The following TMEM25 variants were observed in gnomAD, a reference collection of about 807,000 sequenced individuals.
The protein encoded by TMEM25 is 0610039J01Rik.
TMEM25 carries 36 observed loss-of-function variants against 37.0 expected under a neutral mutation model. The ratio of observed to expected loss-of-function variants is 0.97; its 90% confidence interval spans 0.75 to 1.28. TMEM25 has a LOEUF of 1.28. TMEM25 is among the 50% of genes most tolerant of loss of function. The pLI, the probability that TMEM25 is intolerant of heterozygous loss-of-function variation, is 0.00. For synonymous variants in TMEM25, 197 were observed against 203.7 expected, an observed-to-expected ratio of 0.97 and a Z score of 0.28; for missense variants, 444 against 477.9, an observed-to-expected ratio of 0.93 and a Z score of 0.66.
chr11:118,538,204 C>T (rs1458136358), downstream of TMEM25, among the ~76,000 whole-genome samples: 1 of 152,088 alleles, frequency 6.6e-6, no homozygotes, highest in Non-Finnish European at 1.5e-5. Context: ...CAGAGTCTTG[C>T]TCTGTCACCC....
At chr11:118,545,041 T>G in intron 8 of TMEM25, 3 of 1,383,244 alleles carry the variant, frequency 2.2e-6, no homozygotes, top group Non-Finnish European at 3.1e-6. Context: ...GAATATTGAG[T>G]ATTAGGGATA....
In TMEM25 at chr11:118,535,262, T is replaced by C; in HGVS notation, c.*682T>C. The C allele has an allele frequency of 4.1e-6, 5 of 1,214,066 alleles. No individual in the cohort carries two copies. The highest frequency in any genetic ancestry group is 5.1e-6 in the Non-Finnish European group (5 of 973,656). 75.2% of individuals were successfully genotyped at this position (1,214,066 alleles called of 1,614,324 possible). Reference sequence around the variant, plus strand: ...CTTCACTGGGCACTAGACTTTTCTATTGGCCTGTGCCATCGCCCAGTATTA... The same window carrying C: ...CTTCACTGGGCACTAGACTTTTCTACTGGCCTGTGCCATCGCCCAGTATTA... On this transcript the variant is annotated 3_prime_UTR_variant, in exon 9 of 9. Transcript: ENST00000313236.
rs1555062232 is a variant in TMEM25 at position 118,534,606 on chromosome 11, C to T, written c.*26C>T. 3 of 1,612,946 alleles carry T rather than the reference C, an allele frequency of 1.9e-6. No individual in the cohort carries two copies. The highest frequency in any genetic ancestry group is 2.7e-5 in the African/African-American group (2 of 75,034). On this transcript the variant is annotated 3_prime_UTR_variant, in exon 9 of 9. Coordinates refer to ENST00000313236, the MANE Select transcript of TMEM25 (RefSeq NM_032780.4). The surrounding 1 kb of genome is among the most constrained non-coding windows in gnomAD (Gnocchi z 4.6). ...GCCGAGGGCGAGACAGGAGTATTCT[C>T]TTGGCCTCTGGACACCCTCCCGTTC...
chr11:118,545,390 C>T lies in TMEM25; in HGVS notation c.1028-729C>T, dbSNP rs1555066820. ...TGATCCTCTCTACAGCTTAAGTCAA[C>T]CCCTGATGCTTGGCTCACCTGTGAG... On this transcript the variant is annotated intron_variant, in intron 8 of 8. Transcript: ENST00000354284. The T allele has an allele frequency of 5.1e-6, 8 of 1,561,568 alleles. No homozygotes were observed. The Admixed American group carries it at 6.7e-5, about 13-fold the overall frequency.
Position 118,535,762 on chromosome 11 carries a change from TG to T in TMEM25, c.*1183del, listed in dbSNP as rs2135419051. The T allele has an allele frequency of 8.1e-6, 11 of 1,363,692 alleles. No individual in the cohort carries two copies. In the South Asian group the frequency reaches 2.0e-4, roughly 25 times the overall value. The allele number at this position is 1,363,692 out of a possible 1,614,324, so 84.5% of individuals were successfully genotyped here. On this transcript the variant is annotated 3_prime_UTR_variant, in exon 9 of 9. Transcript: ENST00000313236. ...CCCTTGTTGAGATCTTCTTTTGTAA[TG>T]TTTTTCATGTTACTGCCTAGGGCGG...
At chr11:118,545,374 C>G (rs373983927) in intron 8 of TMEM25, 21 of 1,456,890 alleles carry the variant, frequency 1.4e-5, no homozygotes, top group Non-Finnish European at 1.9e-5. Flanking sequence ...GTGATCCTCT[C>G]TACAGCTTAA....
chr11:118,545,938 T>C (rs1351679597), intron 8 of TMEM25: 2 of 1,199,964 alleles, frequency 1.7e-6, no homozygotes, highest in Non-Finnish European at 2.5e-6. Flanking sequence ...CAAAAGAGCT[T>C]CTAGCATAAG....
At chr11:118,533,986 G>C in intron 6 of TMEM25, 43 bp from the exon 7 acceptor site, 2 of 1,613,188 alleles carry the variant, frequency 1.2e-6, no homozygotes, top group Non-Finnish European at 8.5e-7. Flanking sequence ...ATGAGTGCCT[G>C]TGCCGGGACT....
At chr11:118,541,976 AAAC>A (rs1474774295) in intron 8 of TMEM25, among the ~76,000 whole-genome samples, 17 of 152,100 alleles carry the variant, frequency 1.1e-4, no homozygotes, top group African/African-American at 3.9e-4. Flanking sequence ...GGCTGGTCTC[AAAC>A]GTTTGGGCTC....
At chr11:118,542,118 C>A (rs1211694588) in intron 8 of TMEM25, among the ~76,000 whole-genome samples, 1 of 152,148 alleles carries the variant, frequency 6.6e-6, no homozygotes, top group Non-Finnish European at 1.5e-5. Flanking sequence ...TGCGTTAATT[C>A]GCTTAGAATT....
At chr11:118,538,447 G>A (rs555515762), downstream of TMEM25, among the ~76,000 whole-genome samples, 25 of 152,238 alleles carry the variant, frequency 1.6e-4, no homozygotes, top group South Asian at 3.9e-3. Flanking sequence ...GATTACAGGC[G>A]TGAGCCACTG....
At chr11:118,546,834 T>C (rs1305999786), downstream of TMEM25, 1 of 152,214 alleles carries the variant, frequency 6.6e-6, no homozygotes, top group Middle Eastern at 3.2e-3. Flanking sequence ...GGACACCATA[T>C]GAACAGAGAA....
In TMEM25 at chr11:118,533,527, T is replaced by C; in HGVS notation, c.781T>C (p.Cys261Arg). ...CAGCACCTTGGTGGCCTGCCTGGTC[T>C]GCAGAAAAGAGAAGAAAACCAAAGG... ...GFSTLVACLVCRKEKKTKGPS... is the reference protein window; with the variant it reads ...GFSTLVACLVRRKEKKTKGPS... Residue 261 changes from cysteine (C) to arginine (R), a missense_variant, in exon 5 of 9, where the codon TGC (cysteine) becomes CGC (arginine). Coordinates refer to ENST00000313236, the MANE Select transcript of TMEM25 (RefSeq NM_032780.4). The C allele has an allele frequency of 6.2e-7, 1 of 1,614,114 alleles. No homozygotes were observed. Among genetic ancestry groups the C allele is most frequent in the Non-Finnish European group, 8.5e-7 (1 of 1,179,988 alleles).
In TMEM25 at chr11:118,535,348, C is replaced by T. The variant is rs1555062739; in HGVS notation, c.*768C>T. The T allele has an allele frequency of 7.2e-7, 1 of 1,393,346 alleles. No homozygotes were observed. Among genetic ancestry groups the T allele is most frequent in the East Asian group, 2.6e-5 (1 of 38,206 alleles). The allele number at this position is 1,393,346 out of a possible 1,614,324, so 86.3% of individuals were successfully genotyped here. A position where few individuals can be genotyped will look rare whatever the true frequency, so the allele number is the denominator to read the frequency against. On this transcript the variant is annotated 3_prime_UTR_variant, in exon 9 of 9. Coordinates refer to ENST00000313236, the MANE Select transcript of TMEM25 (RefSeq NM_032780.4). Reference sequence around the variant, plus strand: ...TAGTAGCACCCAGGACGGCTTGTAGCTATGCATCATTTTCCTACGGCGTTA... The same window carrying T: ...TAGTAGCACCCAGGACGGCTTGTAGTTATGCATCATTTTCCTACGGCGTTA...
chr11:118,534,639 G>A lies in TMEM25; in HGVS notation c.*59G>A. ...CTGGACACCCTCCCGTTCCTCCAAGGCATCCTCTACCTAGCTAGGTCACCA... is the reference window on the plus strand; with the variant it reads ...CTGGACACCCTCCCGTTCCTCCAAGACATCCTCTACCTAGCTAGGTCACCA... On this transcript the variant is annotated 3_prime_UTR_variant, in exon 9 of 9. Transcript: ENST00000313236. The surrounding 1 kb of genome is among the most constrained non-coding windows in gnomAD (Gnocchi z 4.6). 1 of 1,598,548 alleles carries A rather than the reference G, an allele frequency of 6.3e-7. No homozygotes were observed. Among genetic ancestry groups the A allele is most frequent in the Non-Finnish European group, 8.5e-7 (1 of 1,170,160 alleles).
At chr11:118,532,113 C>A (rs1555058935) in intron 2 of TMEM25, 37 bp from the exon 3 acceptor site, 1 of 1,504,332 alleles carries the variant, frequency 6.6e-7, no homozygotes, top group African/African-American at 1.4e-5. Context: ...ACCAACCGTG[C>A]CTGAGCCCTT....
downstream of TMEM25, among the ~76,000 whole-genome samples, chr11:118,538,446 C>T (rs781936842): frequency 6.6e-5 from 10 of 151,952 alleles, no homozygotes; most frequent in African/African-American, 1.2e-4. Context: ...GGATTACAGG[C>T]GTGAGCCACT....
intron 8 of TMEM25, chr11:118,545,532 A>T: frequency 6.5e-7 from 1 of 1,536,094 alleles, no homozygotes; most frequent in East Asian, 2.2e-5. Context: ...AGAAGCAAAC[A>T]AACTCCGGGA....
intron 1 of TMEM25, chr11:118,531,573 C>T: frequency 3.5e-6 from 2 of 571,856 alleles, no homozygotes; most frequent in Non-Finnish European, 6.2e-6. Flanking sequence ...CTCGCTTCTG[C>T]GCCTGCAGGA....
Sources: gnomAD v4.1 joint callset for allele counts (sites outside exome capture counted in the v4.1 genomes callset) on GRCh38, gnomAD v4.1.1 for gene constraint, Gnocchi (gnomAD v3.1) non-coding constraint, MANE v1.5 for transcripts, NCBI Gene and HGNC (gene_info 2026-07-23, HGNC 2026-07-21) for gene names.